The following USP32 variants were observed in gnomAD, a reference collection of about 807,000 sequenced individuals.
USP32 encodes ubiquitin specific peptidase 32, also known as ubiquitin carboxyl-terminal hydrolase 32.
USP32 carries 59 observed loss-of-function variants against 204.8 expected under a neutral mutation model. The observed-to-expected ratio is 0.29, with a 90% confidence interval of 0.23 to 0.36. USP32 has a LOEUF of 0.36. Ranked by LOEUF, USP32 falls within the 10% of genes least tolerant of loss-of-function variation. The pLI, the probability that USP32 is intolerant of heterozygous loss-of-function variation, is 1.00. For missense variants in USP32, 1,160 were observed against 1,946.4 expected (o/e 0.60, Z 7.60); for synonymous variants, 517 against 678.4 (o/e 0.76, Z 3.70).
chr17:60,350,009 G>T (rs2088911802), intron 1 of USP32, among the ~76,000 whole-genome samples: 1 of 150,584 alleles, frequency 6.6e-6, no homozygotes, highest in Admixed American at 6.6e-5. Context: ...GTTGTTGTTG[G>T]TTTTTGTTTT....
At chr17:60,355,887 TAAAAAAAAAAAAA>T (rs58715953) in intron 1 of USP32, among the ~76,000 whole-genome samples, 1 of 51,506 alleles carries the variant, frequency 1.9e-5, no homozygotes, top group African/African-American at 7.3e-5. Context: ...TGAACCTCTG[TAAAAAAAAAAAAA>T]AAAAAAAAAA....
At chr17:60,221,051 A>G (rs1309866705) in intron 15 of USP32, among the ~76,000 whole-genome samples, 1 of 152,094 alleles carries the variant, frequency 6.6e-6, no homozygotes, top group Non-Finnish European at 1.5e-5. Context: ...CTTCTGCAAC[A>G]GAACTTTTTT....
intron 5 of USP32, among the ~76,000 whole-genome samples, chr17:60,278,210 TA>T (rs565709644): frequency 6.6e-6 from 1 of 152,050 alleles, no homozygotes; most frequent in Non-Finnish European, 1.5e-5. Flanking sequence ...AGACAATAAA[TA>T]AAAATTTTAA....
chr17:60,185,768 G>A lies in USP32; in HGVS notation c.3643-117C>T, dbSNP rs555453484. 39 of 1,242,060 alleles carry A rather than the reference G, an allele frequency of 3.1e-5. No individual in the cohort carries two copies. In the Admixed American group the frequency reaches 5.8e-4, roughly 19 times the overall value. 76.9% of individuals were successfully genotyped at this position (1,242,060 alleles called of 1,614,324 possible). A position where few individuals can be genotyped will look rare whatever the true frequency, so the allele number is the denominator to read the frequency against. ...TTATTTTACTCTATATAAGGAAAAA[G>A]AAAATACAACTGGCTGGGTATGGTG... On this transcript the variant is annotated intron_variant, in intron 29 of 33. Transcript: ENST00000300896.
chr17:60,288,582 G>A lies in USP32; in HGVS notation c.512C>T (p.Thr171Ile), dbSNP rs2087183333. The A allele has an allele frequency of 6.2e-7, 1 of 1,613,430 alleles. No homozygotes were observed. Among genetic ancestry groups the A allele is most frequent in the Non-Finnish European group, 8.5e-7 (1 of 1,179,778 alleles). Residue 171 changes from threonine (T) to isoleucine (I), a missense_variant, in exon 5 of 34, where the codon ACC becomes ATC. Thr to Ile is a moderately conservative substitution (Grantham distance 89, BLOSUM62 -1). Coordinates refer to ENST00000300896, the MANE Select transcript of USP32 (RefSeq NM_032582.4). ...RWLLSGGVYVTLTDDSDTPTF... is the reference protein window; with the variant it reads ...RWLLSGGVYVILTDDSDTPTF... ...AGGAGTATCACTATCATCAGTGAGG[G>A]TAACATACACACCTCCAGATAGAAG...
intron 9 of USP32, 73 bp downstream of exon 9, chr17:60,265,339 A>T (rs2086561808): frequency 1.9e-6 from 2 of 1,044,604 alleles, no homozygotes; most frequent in Non-Finnish European, 1.4e-6. Flanking sequence ...TCAAGCATGT[A>T]TATAAGCGAT....
chr17:60,271,537 C>G (rs2086725117), intron 5 of USP32, 56 bp from the exon 6 acceptor site: 1 of 1,543,060 alleles, frequency 6.5e-7, no homozygotes. Flanking sequence ...CTCAGGAGTT[C>G]AGTTCATCCT....
At chr17:60,193,643 G>A (rs564032847) in intron 27 of USP32, among the ~76,000 whole-genome samples, 1 of 152,134 alleles carries the variant, frequency 6.6e-6, no homozygotes, top group East Asian at 1.9e-4. Flanking sequence ...AGCTGGGGGT[G>A]GGGGAGAAGG....
chr17:60,308,623 C>CT, intron 2 of USP32, among the ~76,000 whole-genome samples: 1 of 152,266 alleles, frequency 6.6e-6, no homozygotes, highest in Admixed American at 6.5e-5. Context: ...AACTGGATAA[C>CT]TATACGCAGA....
intron 1 of USP32, among the ~76,000 whole-genome samples, chr17:60,412,534 CAAAAAAA>C (rs202179814): frequency 9.2e-5 from 10 of 108,622 alleles, no homozygotes; most frequent in Middle Eastern, 5.0e-3. Flanking sequence ...TACCCTGTTT[CAAAAAAA>C]AAAAAAAAAA....
rs1024968991 is a variant in USP32 at position 60,236,901 on chromosome 17, A to G, written c.1137-661T>C. On this transcript the variant is annotated intron_variant, in intron 11 of 33. Transcript: ENST00000300896. The stretch of plus-strand genomic sequence containing the variant: ...CTTTGCGTGTTTTTGTGGTTCATCT[A>G]TTATTGTGGCAGACATCAGTTGGTT... Among the ~76,000 whole-genome samples, 7 of 152,160 alleles carry G rather than the reference A, an allele frequency of 4.6e-5. No individual in the cohort carries two copies. In the East Asian group the frequency reaches 5.8e-4, roughly 13 times the overall value.
In USP32 at chr17:60,334,691, C is replaced by CA. The variant is rs36073394; in HGVS notation, c.186+10789dup. Among the ~76,000 whole-genome samples the CA allele has an allele frequency of 1.1e-4, 16 of 139,254 alleles. 1 individual carries two copies. The highest frequency in any genetic ancestry group is 1.9e-4 in the African/African-American group (6 of 31,974). 91.4% of individuals were successfully genotyped at this position (139,254 alleles called of 152,430 possible). A position where few individuals can be genotyped will look rare whatever the true frequency, so the allele number is the denominator to read the frequency against. Reference sequence around the variant, plus strand: ...TGGGCAACAAAGCGAGACTCCGTCTCAAAAAAAAAGAAAAGAAAAGAAACA... The same window carrying CA: ...TGGGCAACAAAGCGAGACTCCGTCTCAAAAAAAAAAGAAAAGAAAAGAAACA... On this transcript the variant is annotated intron_variant, in intron 2 of 33. Transcript: ENST00000300896.
At chr17:60,333,420 G>T (rs940786972) in intron 2 of USP32, among the ~76,000 whole-genome samples, 1 of 152,040 alleles carries the variant, frequency 6.6e-6, no homozygotes, top group Admixed American at 6.6e-5. Context: ...CCAACATGGT[G>T]AAACCCCCAT....
chr17:60,358,399 AC>A (rs2089135594), intron 1 of USP32, among the ~76,000 whole-genome samples: 1 of 151,718 alleles, frequency 6.6e-6, no homozygotes. Flanking sequence ...ACATGGTAAA[AC>A]CCCATCTCTA....
At chr17:60,231,162 T>C (rs537737770) in intron 12 of USP32, among the ~76,000 whole-genome samples, 1 of 152,342 alleles carries the variant, frequency 6.6e-6, no homozygotes, top group African/African-American at 2.4e-5. Flanking sequence ...GTTGTATAAA[T>C]AGTTTATGTG....
intron 3 of USP32, among the ~76,000 whole-genome samples, chr17:60,295,568 T>A (rs2145873060): frequency 6.6e-6 from 1 of 152,302 alleles, no homozygotes; most frequent in East Asian, 1.9e-4. Context: ...TCCCTCTTTA[T>A]CCCACCTGGG....
At chr17:60,210,170 A>G (rs1317897981) in intron 21 of USP32, among the ~76,000 whole-genome samples, 2 of 152,068 alleles carry the variant, frequency 1.3e-5, no homozygotes, top group East Asian at 3.8e-4. Flanking sequence ...TGTAGCTGTT[A>G]TAGTTAATAA....
At chr17:60,351,312 C>T (rs2088941050) in intron 1 of USP32, among the ~76,000 whole-genome samples, 1 of 152,210 alleles carries the variant, frequency 6.6e-6, no homozygotes, top group African/African-American at 2.4e-5. Flanking sequence ...CCTCCCACCT[C>T]AGCTGCCCAA....
At chr17:60,263,407 G>T (rs1316824106) in intron 9 of USP32, among the ~76,000 whole-genome samples, 1 of 152,214 alleles carries the variant, frequency 6.6e-6, no homozygotes, top group African/African-American at 2.4e-5. Flanking sequence ...GTCAGAAAAA[G>T]AATGAGTAAT....
Sources: gnomAD v4.1 joint callset for allele counts (sites outside exome capture counted in the v4.1 genomes callset) on GRCh38, gnomAD v4.1.1 for gene constraint, MANE v1.5 for transcripts, NCBI Gene and HGNC (gene_info 2026-07-23, HGNC 2026-07-21) for gene names.